The following SPAG16 variants were observed in gnomAD, a reference collection of about 807,000 sequenced individuals.
SPAG16 encodes sperm-associated antigen 16 protein.
Under a neutral mutation model 80.4 loss-of-function variants are expected in SPAG16, and 86 were observed. That is an observed-to-expected ratio of 1.07 (90% CI 0.90 to 1.28). The LOEUF (loss-of-function observed/expected upper bound fraction) is 1.28. Ranked by LOEUF, SPAG16 falls within the 50% of genes most tolerant of loss-of-function variation. SPAG16 has a pLI of 0.00. For synonymous variants in SPAG16, 294 were observed against 265.9 expected, an observed-to-expected ratio of 1.11 and a Z score of -1.03; for missense variants, 870 against 765.3, an observed-to-expected ratio of 1.14 and a Z score of -1.61.
intron 10 of SPAG16, among the ~76,000 whole-genome samples, chr2:213,838,176 AT>A: frequency 6.6e-6 from 1 of 151,942 alleles, no homozygotes; most frequent in East Asian, 1.9e-4. Flanking sequence ...CTTATCTCTG[AT>A]TTCTTTTTTT....
chr2:213,822,223 C>CT (rs1367630811), intron 10 of SPAG16, among the ~76,000 whole-genome samples: 1 of 152,114 alleles, frequency 6.6e-6, no homozygotes, highest in Non-Finnish European at 1.5e-5. Flanking sequence ...TATTGTCTGT[C>CT]TTTTTGATAT....
At chr2:214,299,243 CTTTTTTTTTTTT>C (rs33961996) in intron 15 of SPAG16, among the ~76,000 whole-genome samples, 4 of 57,684 alleles carry the variant, frequency 6.9e-5, no homozygotes, top group East Asian at 5.1e-4. Context: ...GTGTAGTATA[CTTTTTTTTTTTT>C]TTTTTTTTTT....
chr2:214,173,064 G>C (rs1375193291), intron 15 of SPAG16, among the ~76,000 whole-genome samples: 2 of 151,818 alleles, frequency 1.3e-5, no homozygotes, highest in South Asian at 2.1e-4. Flanking sequence ...TCACTCTGAT[G>C]GTAGTTTCTT....
chr2:214,110,855 G>C (rs1212618034), intron 14 of SPAG16, among the ~76,000 whole-genome samples: 3 of 152,130 alleles, frequency 2.0e-5, no homozygotes, highest in Non-Finnish European at 4.4e-5. Flanking sequence ...TCTCATTGTG[G>C]TTTTGATTTG....
Position 213,375,008 on chromosome 2 carries a change from A to C in SPAG16, c.833-2A>C. On this transcript the variant is annotated splice_acceptor_variant, in intron 8 of 15. Transcript: ENST00000331683. LOFTEE classifies it high-confidence loss of function. ...TTAAGAATAAATTATATTATCTTGT[A>C]GTTGATCATAGTCGTGAAAAAGAAA... 6.3e-7 allele frequency: 1 copy of C among 1,581,000 alleles called. No homozygotes were observed. The highest frequency in any genetic ancestry group is 8.6e-7 in the Non-Finnish European group (1 of 1,157,434).
At chr2:213,696,921 A>C (rs1055658270) in intron 10 of SPAG16, among the ~76,000 whole-genome samples, 4 of 152,298 alleles carry the variant, frequency 2.6e-5, no homozygotes. Context: ...GGGTTTTATA[A>C]AGTGGGAAGA....
At chr2:213,302,131 T>C (rs1481148545) in intron 3 of SPAG16, among the ~76,000 whole-genome samples, 3 of 152,178 alleles carry the variant, frequency 2.0e-5, no homozygotes, top group Non-Finnish European at 4.4e-5. Flanking sequence ...GCTACCATTG[T>C]TTGTCCTCAA....
At chr2:213,901,698 A>G (rs986544005) in intron 11 of SPAG16, among the ~76,000 whole-genome samples, 4 of 152,156 alleles carry the variant, frequency 2.6e-5, no homozygotes, top group Non-Finnish European at 5.9e-5. Flanking sequence ...GAATAAATTC[A>G]TAAATTAAAA....
intron 15 of SPAG16, among the ~76,000 whole-genome samples, chr2:214,393,290 A>G (rs560962345): frequency 6.6e-6 from 1 of 152,310 alleles, no homozygotes; most frequent in East Asian, 1.9e-4. Context: ...CTCTTTGGCT[A>G]TCAGCCCCTG....
chr2:214,366,696 A>G (rs546550102), intron 15 of SPAG16, among the ~76,000 whole-genome samples: 2 of 152,270 alleles, frequency 1.3e-5, no homozygotes, highest in South Asian at 4.1e-4. Flanking sequence ...TGCTGCCTGA[A>G]TGAGCTTCTA....
chr2:213,353,617 C>T (rs1038663654), intron 7 of SPAG16, among the ~76,000 whole-genome samples: 3 of 152,166 alleles, frequency 2.0e-5, no homozygotes, highest in African/African-American at 4.8e-5. Context: ...CAACTGGCCC[C>T]ACTTGCATTT....
intron 9 of SPAG16, among the ~76,000 whole-genome samples, chr2:213,443,252 C>A (rs750016834): frequency 6.6e-6 from 1 of 152,132 alleles, no homozygotes; most frequent in Non-Finnish European, 1.5e-5. Context: ...TACATTAGAT[C>A]TGTAGATTAA....
intron 15 of SPAG16, among the ~76,000 whole-genome samples, chr2:214,177,967 GTA>G (rs1215521563): frequency 2.7e-4 from 5 of 18,182 alleles, no homozygotes; most frequent in South Asian, 3.9e-3. Flanking sequence ...TTCACAAAGT[GTA>G]TGTATATATA....
intron 15 of SPAG16, among the ~76,000 whole-genome samples, chr2:214,313,482 A>T (rs1695470282): frequency 1.3e-5 from 2 of 152,140 alleles, no homozygotes; most frequent in African/African-American, 4.8e-5. Context: ...CATTTTTAGT[A>T]AAATTAGGAC....
intron 11 of SPAG16, among the ~76,000 whole-genome samples, chr2:213,929,405 A>C (rs2078648602): frequency 1.3e-5 from 2 of 152,138 alleles, no homozygotes; most frequent in Non-Finnish European, 1.5e-5. Context: ...TGCAAAATTG[A>C]ATGAGTCATG....
chr2:214,248,810 G>A (rs568791020), intron 15 of SPAG16, among the ~76,000 whole-genome samples: 4 of 152,248 alleles, frequency 2.6e-5, no homozygotes, highest in Admixed American at 2.0e-4. Context: ...CAAAGAAAGC[G>A]ATATTTGAGA....
At chr2:214,391,152 T>C (rs952812235) in intron 15 of SPAG16, among the ~76,000 whole-genome samples, 2 of 152,156 alleles carry the variant, frequency 1.3e-5, no homozygotes, top group Non-Finnish European at 2.9e-5. Context: ...GGTATGAATC[T>C]TGACCCTACT....
chr2:213,358,708 C>T lies in SPAG16; in HGVS notation c.763-5368C>T, dbSNP rs537671165. Among the ~76,000 whole-genome samples the T allele has an allele frequency of 3.3e-5, 5 of 152,248 alleles. No homozygotes were observed. The South Asian group carries it at 8.3e-4, about 25-fold the overall frequency. On this transcript the variant is annotated intron_variant, in intron 7 of 15. Transcript: ENST00000331683. ...TCCTTGCGATGGGTTAGACCACGCT[C>T]CTTTAGCTTGGAGAAGTTTGTTATT...
chr2:214,032,322 G>T (rs2048455956), intron 13 of SPAG16, among the ~76,000 whole-genome samples: 2 of 152,138 alleles, frequency 1.3e-5, no homozygotes, highest in Admixed American at 1.3e-4. Context: ...GATCTTATTG[G>T]TCTCACTGTG....
Sources: gnomAD v4.1 joint callset for allele counts (sites outside exome capture counted in the v4.1 genomes callset) on GRCh38, gnomAD v4.1.1 for gene constraint, MANE v1.5 for transcripts, NCBI Gene and HGNC (gene_info 2026-07-23, HGNC 2026-07-21) for gene names.